The following PTPRQ variants were observed in gnomAD, a reference collection of about 807,000 sequenced individuals.
PTPRQ encodes the protein protein tyrosine phosphatase receptor type Q.
PTPRQ carries 199 observed loss-of-function variants against 246.0 expected under a neutral mutation model. The ratio of observed to expected loss-of-function variants is 0.81; its 90% CI spans 0.72 to 0.91. PTPRQ has a LOEUF of 0.91. Among genes scored for constraint, PTPRQ ranks in the 40% least tolerant of loss-of-function variants. PTPRQ has a pLI of 0.00. For synonymous variants in PTPRQ, 869 were observed against 853.2 expected (o/e 1.02, Z -0.32); for missense variants, 2,624 against 2,528.4 (o/e 1.04, Z -0.81).
intron 22 of PTPRQ, among the ~76,000 whole-genome samples, 157 bp downstream of exon 22, chr12:80,542,521 G>A (rs1896186872): frequency 6.6e-6 from 1 of 151,842 alleles, no homozygotes; most frequent in South Asian, 2.1e-4. Flanking sequence ...TGCAATTTGA[G>A]CTTCAGAATT....
chr12:80,646,309 C>T (rs1388785354), intron 35 of PTPRQ, among the ~76,000 whole-genome samples: 1 of 152,034 alleles, frequency 6.6e-6, no homozygotes, highest in Non-Finnish European at 1.5e-5. Flanking sequence ...TTAAGTATTG[C>T]ACATGATAAT....
intron 23 of PTPRQ, among the ~76,000 whole-genome samples, chr12:80,546,056 G>A (rs945395876): frequency 2.0e-4 from 30 of 152,026 alleles, no homozygotes; most frequent in African/African-American, 6.0e-4. Context: ...AGTGGCTCAC[G>A]CCTGTAATCC....
In PTPRQ at chr12:80,492,211, A is replaced by G. The variant is rs138744349; in HGVS notation, c.1360-1064A>G. 5.3e-5 allele frequency among the ~76,000 whole-genome samples: 8 copies of G among 152,096 alleles called. No homozygotes were observed. In the East Asian group the frequency reaches 1.4e-3, roughly 26 times the overall value. On this transcript the variant is annotated intron_variant, in intron 9 of 44. Transcript: ENST00000644991. Reference sequence around the variant, plus strand: ...TGCCTCCGGTTTTTAAATAAATTCCAGACTTAACATCATTTTGTTCCTATA... The same window carrying G: ...TGCCTCCGGTTTTTAAATAAATTCCGGACTTAACATCATTTTGTTCCTATA...
At chr12:80,515,072 G>A (rs1163596433) in intron 17 of PTPRQ, among the ~76,000 whole-genome samples, 1 of 151,946 alleles carries the variant, frequency 6.6e-6, no homozygotes, top group Non-Finnish European at 1.5e-5. Flanking sequence ...GTTGGAAATA[G>A]CCCTGTAAGG....
At chr12:80,660,877 T>G (rs1900605995) in intron 39 of PTPRQ, among the ~76,000 whole-genome samples, 1 of 152,052 alleles carries the variant, frequency 6.6e-6, no homozygotes, top group Non-Finnish European at 1.5e-5. Flanking sequence ...ACTTTGTATA[T>G]TTAGCATAGC....
At chr12:80,599,438 A>AT (rs1422585519) in intron 26 of PTPRQ, among the ~76,000 whole-genome samples, 4 of 151,874 alleles carry the variant, frequency 2.6e-5, no homozygotes, top group Non-Finnish European at 4.4e-5. Context: ...GAGACAAACA[A>AT]AGCTCCCAAA....
intron 39 of PTPRQ, among the ~76,000 whole-genome samples, chr12:80,664,951 C>G (rs775669615): frequency 2.6e-5 from 4 of 151,912 alleles, no homozygotes; most frequent in Non-Finnish European, 5.9e-5. Flanking sequence ...AGTCAGGGTT[C>G]TCTAGAGGGA....
intron 7 of PTPRQ, 150 bp downstream of exon 7, chr12:80,468,988 C>A: frequency 8.8e-7 from 1 of 1,132,744 alleles, no homozygotes; most frequent in Non-Finnish European, 1.2e-6. Context: ...AAGGGGAGGT[C>A]CTTTGATTTT....
chr12:80,574,719 T>C (rs1275726324), intron 25 of PTPRQ, among the ~76,000 whole-genome samples: 4 of 152,178 alleles, frequency 2.6e-5, no homozygotes, highest in South Asian at 2.1e-4. Context: ...TCTGCTGTTA[T>C]TGTTATATTT....
At chr12:80,674,503 G>A (rs1276066717) in intron 43 of PTPRQ, among the ~76,000 whole-genome samples, 2 of 152,006 alleles carry the variant, frequency 1.3e-5, no homozygotes, top group African/African-American at 4.8e-5. Flanking sequence ...AATCCTCCTT[G>A]GAAGATGCTG....
intron 26 of PTPRQ, among the ~76,000 whole-genome samples, chr12:80,597,394 C>G (rs373893641): frequency 2.6e-5 from 4 of 151,920 alleles, no homozygotes; most frequent in African/African-American, 7.2e-5. Context: ...ACACGCTGAC[C>G]TGTTGTTCTA....
chr12:80,640,491 ATACT>A (rs1462608759), intron 35 of PTPRQ, among the ~76,000 whole-genome samples: 2 of 152,204 alleles, frequency 1.3e-5, no homozygotes, highest in East Asian at 1.9e-4. Context: ...GAAATTGGAG[ATACT>A]TAATGCTCAT....
rs1191957530 is a variant in PTPRQ at position 80,499,427 on chromosome 12, A to G, written c.2272+2896A>G. Among the ~76,000 whole-genome samples, 4 of 152,004 alleles carry G rather than the reference A, an allele frequency of 2.6e-5. No homozygotes were observed. The East Asian group carries it at 7.8e-4, about 29-fold the overall frequency. On this transcript the variant is annotated intron_variant, in intron 14 of 44. Coordinates refer to ENST00000644991, the MANE Select transcript of PTPRQ (RefSeq NM_001145026.2). ...AACCACCCACTTTAGCTCCTTTGGC[A>G]AAAGAGGAAGCTAAAATGTTAGGTA... is the stretch of plus-strand genomic sequence containing the variant.
At chr12:80,637,654 T>A (rs1438785013) in intron 35 of PTPRQ, among the ~76,000 whole-genome samples, 1 of 152,236 alleles carries the variant, frequency 6.6e-6, no homozygotes, top group Non-Finnish European at 1.5e-5. Context: ...CAGAGATCTG[T>A]GTCCAGCTTT....
chr12:80,534,071 A>T lies in PTPRQ; in HGVS notation c.2735A>T (p.Asp912Val). 1 of 1,536,900 alleles carries T rather than the reference A, an allele frequency of 6.5e-7. No homozygotes were observed. The highest frequency in any genetic ancestry group is 2.5e-5 in the East Asian group (1 of 40,146). Residue 912 changes from aspartate (D) to valine (V), a missense_variant, in exon 18 of 45, where the codon GAT (aspartate) becomes GTT (valine). Asp to Val is a radical substitution (Grantham distance 152). Coordinates refer to ENST00000644991, the MANE Select transcript of PTPRQ (RefSeq NM_001145026.2). ...NVTETSLELS[D>V]LDYNVEYSAY... Reference sequence around the variant, plus strand: ...ACTGAAACATCATTGGAGTTATCAGATTTGGATTATAATGTTGAATACAGT... The same window carrying T: ...ACTGAAACATCATTGGAGTTATCAGTTTTGGATTATAATGTTGAATACAGT...
Position 80,582,307 on chromosome 12 carries a change from C to T in PTPRQ, c.4286-5822C>T, listed in dbSNP as rs566009099. On this transcript the variant is annotated intron_variant, in intron 25 of 44. Transcript: ENST00000644991. ...GTTTATGCTTGCTGTGCTGGCATTT[C>T]ATCCAATAGACATTGCCTTTTACTC... 2.0e-5 allele frequency among the ~76,000 whole-genome samples: 3 copies of T among 152,244 alleles called. No individual in the cohort carries two copies. In the East Asian group the frequency reaches 5.8e-4, roughly 29 times the overall value.
chr12:80,653,415 C>T (rs1319443050), intron 38 of PTPRQ, among the ~76,000 whole-genome samples: 1 of 152,138 alleles, frequency 6.6e-6, no homozygotes, highest in African/African-American at 2.4e-5. Flanking sequence ...TAGGACATTT[C>T]TCTGTTACTA....
chr12:80,541,459 A>T, intron 20 of PTPRQ, 96 bp from the exon 21 acceptor site: 2 of 967,808 alleles, frequency 2.1e-6, no homozygotes, highest in Non-Finnish European at 2.8e-6. Flanking sequence ...CTGATGATGT[A>T]ATAGTTGCCA....
intron 3 of PTPRQ, among the ~76,000 whole-genome samples, chr12:80,452,713 T>C (rs1001870408): frequency 6.6e-6 from 1 of 152,264 alleles, no homozygotes; most frequent in African/African-American, 2.4e-5. Context: ...TTCTGGCTTC[T>C]AGAGTTTCTA....
Sources: allele counts gnomAD v4.1 joint callset (sites outside exome capture counted in the v4.1 genomes callset), GRCh38; gene constraint gnomAD v4.1.1; transcripts MANE v1.5; gene names NCBI Gene and HGNC (gene_info 2026-07-23, HGNC 2026-07-21).